Variants in SCFD2 observed in about 807,000 individuals in gnomAD.
SCFD2 encodes sec1 family domain containing 2.
SCFD2 carries 54 observed loss-of-function variants against 58.9 expected under a neutral mutation model. That is an observed-to-expected ratio of 0.92 (90% confidence interval 0.74 to 1.15). The LOEUF is 1.15. Ranked by LOEUF, SCFD2 falls within the 50% of genes most tolerant of loss-of-function variation. SCFD2 has a pLI of 0.00. For missense variants in SCFD2, 805 were observed against 836.6 expected, an observed-to-expected ratio of 0.96 and a Z score of 0.47; for synonymous variants, 321 against 335.9, an observed-to-expected ratio of 0.96 and a Z score of 0.49.
rs140840966 is a variant in SCFD2 at position 53,365,437 on chromosome 4, A to T, written c.505T>A (p.Leu169Met). 1.6e-3 allele frequency: 2,595 copies of T among 1,614,196 alleles called. 3 individuals are homozygous for T. The highest frequency in any genetic ancestry group is 2.0e-3 in the Non-Finnish European group (2,313 of 1,180,022). ...LLAPVAPHFA[L>M]TPAFASLFPL... ...AAAAGGGATGCAAAAGCTGGAGTCA[A>T]GGCAAAGTGGGGAGCAACAGGGGCA... Residue 169 changes from leucine (L) to methionine (M), a missense_variant, in exon 1 of 9, where the codon TTG becomes ATG. Around this residue, in one of 3 missense-constraint regions of SCFD2, gnomAD observed 633 missense variants for 646.8 expected, o/e 0.98. Coordinates refer to ENST00000401642, the MANE Select transcript of SCFD2 (RefSeq NM_152540.4). This position sits in a 1 kb window ranked among gnomAD's most constrained non-coding sequence, Gnocchi z 4.3.
At chr4:52,889,748 A>T (rs77679742) in intron 7 of SCFD2, among the ~76,000 whole-genome samples, 5,929 of 152,260 alleles carry the variant, frequency 0.039, 427 homozygotes, top group African/African-American at 0.14. Flanking sequence ...GAAACAGAAA[A>T]CCAGCACCCT....
At chr4:53,327,927 G>C (rs757570136) in intron 2 of SCFD2, among the ~76,000 whole-genome samples, 1 of 151,996 alleles carries the variant, frequency 6.6e-6, no homozygotes, top group Admixed American at 6.6e-5. Flanking sequence ...TCAGGAGATC[G>C]AGACAATCCT....
chr4:53,111,502 C>G (rs1161806014), intron 5 of SCFD2, among the ~76,000 whole-genome samples: 1 of 152,048 alleles, frequency 6.6e-6, no homozygotes, highest in Non-Finnish European at 1.5e-5. Flanking sequence ...TGTTGTGAAG[C>G]TTTGGTAAAA....
intron 5 of SCFD2, among the ~76,000 whole-genome samples, chr4:52,977,211 A>C (rs1332886893): frequency 6.6e-6 from 1 of 152,172 alleles, no homozygotes; most frequent in Admixed American, 6.5e-5. Context: ...GATGATTTTT[A>C]TAAGAAATTC....
chr4:53,299,597 T>C (rs566079348), intron 3 of SCFD2, among the ~76,000 whole-genome samples: 3,167 of 149,050 alleles, frequency 0.021, 78 homozygotes, highest in African/African-American at 0.06. Context: ...ATACAGAGAA[T>C]ACCACAAAGA....
At chr4:53,026,496 A>G (rs2148816244) in intron 5 of SCFD2, among the ~76,000 whole-genome samples, 1 of 152,318 alleles carries the variant, frequency 6.6e-6, no homozygotes, top group Middle Eastern at 3.4e-3. Context: ...ACATAGCCAC[A>G]AGGCCAGTTT....
chr4:53,329,257 C>A (rs868270011), intron 2 of SCFD2, among the ~76,000 whole-genome samples: 6 of 152,206 alleles, frequency 3.9e-5, no homozygotes, highest in African/African-American at 1.2e-4. Flanking sequence ...CTCAAGGAGG[C>A]CTGCCTGCCT....
chr4:53,217,224 C>G (rs1342964676), intron 4 of SCFD2, among the ~76,000 whole-genome samples: 7 of 152,070 alleles, frequency 4.6e-5, no homozygotes, highest in Non-Finnish European at 8.8e-5. Flanking sequence ...TCTCGTTGAT[C>G]TGTCTAATGT....
chr4:53,030,024 G>A (rs1722576677), intron 5 of SCFD2, among the ~76,000 whole-genome samples: 1 of 152,092 alleles, frequency 6.6e-6, no homozygotes, highest in Admixed American at 6.5e-5. Flanking sequence ...TAAAGACACA[G>A]TTGAGCGAAC....
intron 1 of SCFD2, among the ~76,000 whole-genome samples, chr4:53,362,502 C>T (rs2149174824): frequency 6.6e-6 from 1 of 152,280 alleles, no homozygotes; most frequent in South Asian, 2.1e-4. Context: ...TAACTATTTG[C>T]ATGCTTTCCT....
At chr4:53,098,838 C>T (rs1247389559) in intron 5 of SCFD2, among the ~76,000 whole-genome samples, 2 of 152,026 alleles carry the variant, frequency 1.3e-5, no homozygotes, top group Non-Finnish European at 2.9e-5. Flanking sequence ...TCCTTAACCA[C>T]TATATGATTA....
chr4:53,349,325 G>C (rs974946455), intron 2 of SCFD2, among the ~76,000 whole-genome samples: 7 of 152,192 alleles, frequency 4.6e-5, no homozygotes, highest in African/African-American at 1.4e-4. Flanking sequence ...TTAAACAACA[G>C]GAAATATATT....
At chr4:52,947,062 G>T (rs1457862872) in intron 5 of SCFD2, among the ~76,000 whole-genome samples, 1 of 152,086 alleles carries the variant, frequency 6.6e-6, no homozygotes, top group Non-Finnish European at 1.5e-5. Flanking sequence ...GAGCTGAGTT[G>T]GCTCCTGCAC....
chr4:53,290,495 A>C (rs1335349126), intron 3 of SCFD2, among the ~76,000 whole-genome samples: 1 of 152,142 alleles, frequency 6.6e-6, no homozygotes, highest in Non-Finnish European at 1.5e-5. Context: ...GAGAGTTTAT[A>C]GCAATAAATA....
At chr4:53,234,981 C>T (rs1237846455) in intron 4 of SCFD2, among the ~76,000 whole-genome samples, 1 of 152,216 alleles carries the variant, frequency 6.6e-6, no homozygotes, top group Non-Finnish European at 1.5e-5. Context: ...CACGGTCTTC[C>T]CATCTTTTGC....
intron 5 of SCFD2, among the ~76,000 whole-genome samples, chr4:52,979,161 G>A (rs1041518123): frequency 1.3e-5 from 2 of 151,936 alleles, no homozygotes; most frequent in African/African-American, 4.8e-5. Context: ...CTAACTGCCT[G>A]TTCCCAGGAG....
chr4:53,199,390 T>A (rs1347559786), intron 4 of SCFD2, among the ~76,000 whole-genome samples: 1 of 152,112 alleles, frequency 6.6e-6, no homozygotes, highest in Non-Finnish European at 1.5e-5. Flanking sequence ...AACTTTGGGT[T>A]GTGTAGTATA....
At chr4:53,096,652 C>T (rs553833094) in intron 5 of SCFD2, among the ~76,000 whole-genome samples, 2 of 152,252 alleles carry the variant, frequency 1.3e-5, no homozygotes, top group Non-Finnish European at 2.9e-5. Flanking sequence ...AATTTTCTCC[C>T]ATTCTGTAGG....
intron 4 of SCFD2, among the ~76,000 whole-genome samples, chr4:53,262,472 T>C (rs756684258): frequency 1.1e-4 from 17 of 152,224 alleles, no homozygotes; most frequent in Non-Finnish European, 2.4e-4. Context: ...TCAGCATTTG[T>C]TTGTCTAGAA....
Sources: allele counts gnomAD v4.1 joint callset (sites outside exome capture counted in the v4.1 genomes callset), GRCh38; gene constraint gnomAD v4.1.1; regional missense constraint gnomAD v4.1.1; non-coding constraint Gnocchi (gnomAD v3.1); transcripts MANE v1.5; gene names NCBI Gene and HGNC (gene_info 2026-07-23, HGNC 2026-07-21).